ANK3: variants seen among roughly 807,000 people sequenced by gnomAD.
ANK3 encodes the protein ankyrin 3.
ANK3 carries 57 observed loss-of-function variants against 370.9 expected under a neutral mutation model. The observed-to-expected ratio is 0.15, with a 90% CI of 0.12 to 0.19. The LOEUF is 0.19. Ranked by LOEUF, ANK3 falls within the 10% of genes least tolerant of loss-of-function variation. ANK3 has a pLI of 1.00. For missense variants in ANK3, 4,439 were observed against 5,302.1 expected (o/e 0.84, Z 5.06); for synonymous variants, 1,929 against 1,946.3 (o/e 0.99, Z 0.23).
intron 1 of ANK3, among the ~76,000 whole-genome samples, chr10:60,655,118 AATG>A (rs1207149003): frequency 1.3e-5 from 2 of 152,156 alleles, no homozygotes; most frequent in African/African-American, 4.8e-5. Context: ...ATTACCTGAT[AATG>A]ATAATAAACA....
intron 1 of ANK3, among the ~76,000 whole-genome samples, chr10:60,664,985 C>T (rs2078978802): frequency 6.6e-6 from 1 of 152,110 alleles, no homozygotes; most frequent in African/African-American, 2.4e-5. Context: ...GATCGTGTTA[C>T]AAAATTGAAA....
chr10:60,155,831 C>T (rs1202170112), intron 23 of ANK3, among the ~76,000 whole-genome samples: 2 of 152,060 alleles, frequency 1.3e-5, no homozygotes, highest in Non-Finnish European at 2.9e-5. Context: ...CATCTGACCC[C>T]AAGTTCTTCA....
chr10:60,644,781 T>C (rs1055706305), intron 1 of ANK3, among the ~76,000 whole-genome samples: 2 of 124,670 alleles, frequency 1.6e-5, no homozygotes, highest in Non-Finnish European at 3.4e-5. Context: ...TCAATACTTA[T>C]GCCAAAAGAC....
At chr10:60,396,283 G>C (rs916529707) in intron 2 of ANK3, among the ~76,000 whole-genome samples, 4 of 152,148 alleles carry the variant, frequency 2.6e-5, no homozygotes, top group Non-Finnish European at 5.9e-5. Context: ...TTCCTTCCAT[G>C]TTTACATTCC....
Position 60,075,277 on chromosome 10 carries a change from G to A in ANK3, c.5604C>T (p.His1868=), listed in dbSNP as rs527290598. ...TLTTETHPQP[H]FSRTSSPVKS... is the part of the protein sequence containing the mutation. ...TAACTGGAGATGAAGTTCGACTGAAGTGAGGCTGAGGATGTGTCTCCGTAG... is the reference window on the plus strand; with the variant it reads ...TAACTGGAGATGAAGTTCGACTGAAATGAGGCTGAGGATGTGTCTCCGTAG... Residue 1868 remains histidine (H), a synonymous_variant, in exon 37 of 44, where the codon CAC becomes CAT. Coordinates refer to ENST00000280772, the MANE Select transcript of ANK3 (RefSeq NM_020987.5). 21 of 1,614,192 alleles carry A rather than the reference G, an allele frequency of 1.3e-5. No homozygotes were observed. In the South Asian group the frequency reaches 2.2e-4, roughly 17 times the overall value.
chr10:60,384,530 TAG>T (rs946349246), intron 1 of ANK3, among the ~76,000 whole-genome samples: 4 of 152,210 alleles, frequency 2.6e-5, no homozygotes, highest in African/African-American at 9.7e-5. Flanking sequence ...GAGCACAAGC[TAG>T]AGAGTTAGAC....
intron 2 of ANK3, among the ~76,000 whole-genome samples, chr10:60,466,862 A>C (rs998416511): frequency 5.9e-5 from 9 of 152,180 alleles, no homozygotes; most frequent in African/African-American, 2.2e-4. Flanking sequence ...TAATAAGCAA[A>C]TGTGTAAAGT....
At chr10:60,226,734 AATAGT>A (rs1246947164) in intron 8 of ANK3, among the ~76,000 whole-genome samples, 1 of 143,402 alleles carries the variant, frequency 7.0e-6, no homozygotes, top group East Asian at 2.0e-4. Context: ...TCATTATATA[AATAGT>A]ATATTATAAA....
intron 23 of ANK3, among the ~76,000 whole-genome samples, chr10:60,147,933 C>T (rs985956023): frequency 6.6e-6 from 1 of 152,170 alleles, no homozygotes; most frequent in Non-Finnish European, 1.5e-5. Flanking sequence ...GGCTTTCCTT[C>T]TGAAAATGGG....
At position 60,026,926 on chromosome 10, in the gene ANK3, G is replaced by A. The variant is rs2072430727; in HGVS notation, c.*2920C>T. Reference sequence around the variant, plus strand: ...AAGCTTAAATACATATTTATAAGCTGGCAGGCCAAATATTATGTTAGAAAT... The same window carrying A: ...AAGCTTAAATACATATTTATAAGCTAGCAGGCCAAATATTATGTTAGAAAT... On this transcript the variant is annotated 3_prime_UTR_variant, in exon 44 of 44. Coordinates refer to ENST00000280772, the MANE Select transcript of ANK3 (RefSeq NM_020987.5). The A allele has an allele frequency of 6.6e-6, 1 of 152,018 alleles. No individual in the cohort carries two copies. The highest frequency in any genetic ancestry group is 1.5e-5 in the Non-Finnish European group (1 of 68,020). The allele number at this position is 152,018 out of a possible 1,614,324, so 9.4% of individuals were successfully genotyped here. A position where few individuals can be genotyped will look rare whatever the true frequency, so the allele number is the denominator to read the frequency against.
intron 1 of ANK3, among the ~76,000 whole-genome samples, chr10:60,683,769 A>C (rs1276927894): frequency 6.6e-6 from 1 of 152,226 alleles, no homozygotes; most frequent in Non-Finnish European, 1.5e-5. Context: ...GCCGAGCCAG[A>C]ACTACACCCA....
intron 1 of ANK3, among the ~76,000 whole-genome samples, chr10:60,667,081 T>C (rs1262686177): frequency 6.6e-6 from 1 of 151,658 alleles, no homozygotes; most frequent in Non-Finnish European, 1.5e-5. Context: ...ATATTCAAAT[T>C]TAATTATGCA....
At chr10:60,053,340 G>C (rs1564637083) in intron 42 of ANK3, among the ~76,000 whole-genome samples, 2 of 152,184 alleles carry the variant, frequency 1.3e-5, no homozygotes, top group Non-Finnish European at 2.9e-5. Flanking sequence ...TTTTCACTTG[G>C]GTGAATTCAA....
intron 1 of ANK3, among the ~76,000 whole-genome samples, chr10:60,717,310 C>T (rs2079804560): frequency 6.6e-6 from 1 of 152,142 alleles, no homozygotes; most frequent in Admixed American, 6.5e-5. Flanking sequence ...ACACCCTTTG[C>T]TCACATTCCA....
At chr10:60,513,849 TG>T (rs1178238224) in intron 2 of ANK3, among the ~76,000 whole-genome samples, 1 of 152,196 alleles carries the variant, frequency 6.6e-6, no homozygotes, top group Non-Finnish European at 1.5e-5. Context: ...AATTGAACCC[TG>T]AGCAACATGC....
chr10:60,627,630 T>C (rs1298186893), intron 1 of ANK3, among the ~76,000 whole-genome samples: 2 of 152,120 alleles, frequency 1.3e-5, no homozygotes, highest in African/African-American at 2.4e-5. Context: ...TTAGCTATGA[T>C]ATCGTTTATC....
At position 60,625,313 on chromosome 10, in the gene ANK3, T is replaced by C. The variant is rs147748384; in HGVS notation, c.58-10089A>G. Among the ~76,000 whole-genome samples the C allele has an allele frequency of 6.2e-3, 946 of 152,232 alleles. 7 individuals carry two copies. The highest frequency in any genetic ancestry group is 0.021 in the African/African-American group (880 of 41,536). On this transcript the variant is annotated intron_variant, in intron 1 of 43. Coordinates refer to the ANK3 transcript ENST00000373827. ...AGAGCCATGAGAGATGATAATGCATTGTTGTTTAAGCCACTGTGCTTTGGG... is the reference window on the plus strand; with the variant it reads ...AGAGCCATGAGAGATGATAATGCATCGTTGTTTAAGCCACTGTGCTTTGGG...
At chr10:60,409,478 A>G (rs994116397) in intron 2 of ANK3, among the ~76,000 whole-genome samples, 1 of 152,246 alleles carries the variant, frequency 6.6e-6, no homozygotes. Flanking sequence ...TACATAAAGA[A>G]GTTGGCTGAT....
intron 7 of ANK3, among the ~76,000 whole-genome samples, chr10:60,235,886 C>A (rs1305558534): frequency 1.3e-5 from 2 of 152,190 alleles, no homozygotes; most frequent in Non-Finnish European, 2.9e-5. Context: ...TTTACTACTT[C>A]ATTTAATTCT....
Sources: gnomAD v4.1 joint callset for allele counts (sites outside exome capture counted in the v4.1 genomes callset) on GRCh38, gnomAD v4.1.1 for gene constraint, MANE v1.5 for transcripts, NCBI Gene and HGNC (gene_info 2026-07-23, HGNC 2026-07-21) for gene names.